The following PCDH9 variants were observed in gnomAD, a reference collection of about 807,000 sequenced individuals.
PCDH9 encodes the protein protocadherin-9.
Under a neutral mutation model 70.6 loss-of-function variants are expected in PCDH9, and 24 were observed. The observed-to-expected ratio is 0.34, with a 90% confidence interval of 0.25 to 0.48. The LOEUF is 0.48. Among genes scored for constraint, PCDH9 ranks in the 20% least tolerant of loss-of-function variants. The pLI is 0.99. For missense variants in PCDH9, 1,281 were observed against 1,503.6 expected, an observed-to-expected ratio of 0.85 and a Z score of 2.45; for synonymous variants, 562 against 558.5, an observed-to-expected ratio of 1.01 and a Z score of -0.09.
chr13:66,960,779 A>C (rs2139724188), intron 2 of PCDH9, among the ~76,000 whole-genome samples: 1 of 152,300 alleles, frequency 6.6e-6, no homozygotes, highest in African/African-American at 2.4e-5. Flanking sequence ...AGAATCACTA[A>C]CACAACTCAT....
intron 4 of PCDH9, among the ~76,000 whole-genome samples, chr13:66,313,393 A>T (rs1466161262): frequency 6.6e-6 from 1 of 152,176 alleles, no homozygotes; most frequent in Non-Finnish European, 1.5e-5. Flanking sequence ...TGTTTCTCAG[A>T]CAAACTTGGT....
intron 4 of PCDH9, among the ~76,000 whole-genome samples, chr13:66,307,227 T>G (rs1436580288): frequency 6.6e-6 from 1 of 152,046 alleles, no homozygotes; most frequent in Non-Finnish European, 1.5e-5. Context: ...AATTTTAATT[T>G]CCTCCCAACT....
intron 2 of PCDH9, among the ~76,000 whole-genome samples, chr13:67,078,797 A>C (rs896104382): frequency 2.6e-5 from 4 of 152,198 alleles, no homozygotes; most frequent in Admixed American, 2.0e-4. Context: ...TTCAGCAGCT[A>C]TTTAATGTAT....
intron 3 of PCDH9, among the ~76,000 whole-genome samples, chr13:66,803,113 A>G (rs63281860): frequency 1.3e-5 from 2 of 150,878 alleles, no homozygotes; most frequent in Non-Finnish European, 3.0e-5. Context: ...TGAAAAAAAA[A>G]TTGGTGTAAT....
At chr13:66,557,107 C>T (rs1212277077) in intron 4 of PCDH9, among the ~76,000 whole-genome samples, 3 of 152,168 alleles carry the variant, frequency 2.0e-5, no homozygotes, top group African/African-American at 7.2e-5. Context: ...TCAAATACTG[C>T]TGAGGAAGTA....
intron 4 of PCDH9, among the ~76,000 whole-genome samples, chr13:66,577,911 T>G (rs529208604): frequency 6.6e-6 from 1 of 152,056 alleles, no homozygotes; most frequent in Admixed American, 6.6e-5. Flanking sequence ...CAGAGATTTA[T>G]TATTTCTTAA....
At chr13:67,158,362 T>C (rs2087867503) in intron 2 of PCDH9, among the ~76,000 whole-genome samples, 1 of 152,254 alleles carries the variant, frequency 6.6e-6, no homozygotes, top group Non-Finnish European at 1.5e-5. Context: ...GAGTTTTTAA[T>C]GCCAATGAAT....
intron 3 of PCDH9, among the ~76,000 whole-genome samples, chr13:66,766,002 AG>A (rs934335138): frequency 2.0e-5 from 3 of 152,062 alleles, no homozygotes; most frequent in Admixed American, 6.6e-5. Flanking sequence ...TTTGTAAATA[AG>A]TTTTACACTA....
At chr13:66,978,970 T>C (rs1023416230) in intron 2 of PCDH9, among the ~76,000 whole-genome samples, 23 of 151,822 alleles carry the variant, frequency 1.5e-4, no homozygotes, top group Non-Finnish European at 4.4e-5. Context: ...AAAAATCTTA[T>C]ACATTTGTAT....
chr13:67,104,777 C>T (rs1448240606), intron 2 of PCDH9, among the ~76,000 whole-genome samples: 2 of 152,172 alleles, frequency 1.3e-5, no homozygotes, highest in East Asian at 3.9e-4. Context: ...TCTCAGTCTC[C>T]TGACCTTGTG....
Position 66,516,451 on chromosome 13 carries a change from G to A in PCDH9, c.3340+114759C>T, listed in dbSNP as rs377682867. Among the ~76,000 whole-genome samples the A allele has an allele frequency of 3.3e-5, 5 of 152,020 alleles. No individual in the cohort carries two copies. The East Asian group carries it at 9.7e-4, about 29-fold the overall frequency. ...GCCTTTGATATCTGCACTCTAATAT[G>A]TATTAATTAAATCTAAAAAAAATTT... is the stretch of plus-strand genomic sequence containing the variant. On this transcript the variant is annotated intron_variant, in intron 4 of 4. Coordinates refer to ENST00000377865, the MANE Select transcript of PCDH9 (RefSeq NM_203487.3).
chr13:66,661,580 A>G (rs2078009445), intron 3 of PCDH9, among the ~76,000 whole-genome samples: 1 of 152,216 alleles, frequency 6.6e-6, no homozygotes, highest in Admixed American at 6.5e-5. Flanking sequence ...ATCAATCCTT[A>G]GACCATAATT....
chr13:66,450,263 A>G (rs1334602029), intron 4 of PCDH9, among the ~76,000 whole-genome samples: 2 of 152,226 alleles, frequency 1.3e-5, no homozygotes, highest in East Asian at 3.8e-4. Context: ...TTAATTTAAT[A>G]GCATATATTA....
intron 3 of PCDH9, among the ~76,000 whole-genome samples, chr13:66,686,606 T>C (rs577588055): frequency 5.3e-5 from 8 of 152,244 alleles, no homozygotes; most frequent in Admixed American, 1.3e-4. Flanking sequence ...TCAGAATGTT[T>C]ACATTGCTCT....
At chr13:66,600,765 CGTGTGTGTGTGTGT>C in intron 4 of PCDH9, among the ~76,000 whole-genome samples, 1 of 133,040 alleles carries the variant, frequency 7.5e-6, no homozygotes, top group South Asian at 2.5e-4. Context: ...TAATTAAGAA[CGTGTGTGTGTGTGT>C]GTGTGTGTGT....
intron 2 of PCDH9, among the ~76,000 whole-genome samples, chr13:67,070,045 G>T (rs948575704): frequency 3.3e-5 from 5 of 151,046 alleles, no homozygotes; most frequent in African/African-American, 1.2e-4. Flanking sequence ...ACTAGGTCAT[G>T]CAGGTTAAAG....
chr13:66,934,090 C>T (rs974948889), intron 2 of PCDH9, among the ~76,000 whole-genome samples: 1 of 152,104 alleles, frequency 6.6e-6, no homozygotes, highest in Non-Finnish European at 1.5e-5. Context: ...GCCTGCCTTG[C>T]TACTAGACAA....
chr13:66,801,978 T>C (rs2080333198), intron 3 of PCDH9, among the ~76,000 whole-genome samples: 1 of 145,852 alleles, frequency 6.9e-6, no homozygotes, highest in Non-Finnish European at 1.5e-5. Flanking sequence ...TTTCATTGCA[T>C]GTAGACCAGG....
intron 2 of PCDH9, among the ~76,000 whole-genome samples, chr13:67,074,306 C>T (rs2085834108): frequency 6.6e-6 from 1 of 152,068 alleles, no homozygotes; most frequent in African/African-American, 2.4e-5. Flanking sequence ...TCCCTCGCCC[C>T]TTCCCCAGAT....
Sources: allele counts gnomAD v4.1 joint callset (sites outside exome capture counted in the v4.1 genomes callset), GRCh38; gene constraint gnomAD v4.1.1; transcripts MANE v1.5; gene names NCBI Gene and HGNC (gene_info 2026-07-23, HGNC 2026-07-21).